The following KCNQ5 variants were observed in gnomAD, a reference collection of about 807,000 sequenced individuals.
KCNQ5 encodes potassium voltage-gated channel subfamily KQT member 5.
A neutral mutation model predicts 98.2 loss-of-function variants in KCNQ5; 30 were observed. That is an observed-to-expected ratio of 0.31 (90% CI 0.23 to 0.41). The LOEUF (loss-of-function observed/expected upper bound fraction) is 0.41, where lower values mean the gene tolerates loss of function less well. Among genes scored for constraint, KCNQ5 ranks in the 10% least tolerant of loss-of-function variants. The pLI is 1.00. For synonymous variants in KCNQ5, 458 were observed against 449.4 expected (o/e 1.02, Z -0.24); for missense variants, 835 against 1,182.5 (o/e 0.71, Z 4.31).
At chr6:72,916,031 T>C (rs1780121543) in intron 1 of KCNQ5, among the ~76,000 whole-genome samples, 1 of 152,200 alleles carries the variant, frequency 6.6e-6, no homozygotes, top group Non-Finnish European at 1.5e-5. Flanking sequence ...TAGGCAGCTT[T>C]GGTTTTTATC....
At chr6:72,718,452 T>C (rs1769766565) in intron 1 of KCNQ5, among the ~76,000 whole-genome samples, 1 of 135,776 alleles carries the variant, frequency 7.4e-6, no homozygotes, top group Non-Finnish European at 1.6e-5. Flanking sequence ...GCTCTTTTTT[T>C]TTTTTTTTTT....
At chr6:72,659,936 C>G (rs1239492575) in intron 1 of KCNQ5, among the ~76,000 whole-genome samples, 2 of 152,200 alleles carry the variant, frequency 1.3e-5, no homozygotes, top group African/African-American at 4.8e-5. Flanking sequence ...TGTTCCACTT[C>G]TAACCACCTT....
intron 9 of KCNQ5, among the ~76,000 whole-genome samples, chr6:73,128,877 G>A (rs188595877): frequency 1.3e-5 from 2 of 152,132 alleles, no homozygotes; most frequent in African/African-American, 4.8e-5. Flanking sequence ...GTGAGCCACC[G>A]AGTGCTTTTT....
At chr6:73,002,944 G>C (rs1769651394) in intron 1 of KCNQ5, among the ~76,000 whole-genome samples, 1 of 152,074 alleles carries the variant, frequency 6.6e-6, no homozygotes, top group Non-Finnish European at 1.5e-5. Flanking sequence ...AGGAGTCAGG[G>C]ACTAACTTCA....
At chr6:72,750,190 A>C (rs999411273) in intron 1 of KCNQ5, among the ~76,000 whole-genome samples, 1 of 152,132 alleles carries the variant, frequency 6.6e-6, no homozygotes, top group African/African-American at 2.4e-5. Context: ...AGGAACTCCC[A>C]AGTGCATTTC....
intron 1 of KCNQ5, among the ~76,000 whole-genome samples, chr6:72,750,930 A>T (rs923742355): frequency 6.6e-6 from 1 of 152,060 alleles, no homozygotes; most frequent in African/African-American, 2.4e-5. Flanking sequence ...TTATGTCATT[A>T]AAAAAGATAC....
At chr6:72,675,840 G>T (rs1767380535) in intron 1 of KCNQ5, among the ~76,000 whole-genome samples, 2 of 152,154 alleles carry the variant, frequency 1.3e-5, no homozygotes, top group African/African-American at 4.8e-5. Flanking sequence ...TGAGATGGGA[G>T]CATTGGCTTA....
At chr6:72,902,029 G>A (rs1259338548) in intron 1 of KCNQ5, among the ~76,000 whole-genome samples, 1 of 152,148 alleles carries the variant, frequency 6.6e-6, no homozygotes, top group Non-Finnish European at 1.5e-5. Flanking sequence ...TCTTTCAGCA[G>A]TATTTTGTAG....
chr6:73,147,125 A>G (rs1423394550), intron 10 of KCNQ5, among the ~76,000 whole-genome samples: 2 of 152,034 alleles, frequency 1.3e-5, no homozygotes, highest in Non-Finnish European at 2.9e-5. Context: ...AAACGACTTA[A>G]CCTCACTGCC....
In KCNQ5 at chr6:73,195,231, T is replaced by C. The variant is rs769879422; in HGVS notation, c.2616T>C (p.Thr872=). 1 of 1,614,194 alleles carries C rather than the reference T, an allele frequency of 6.2e-7. No individual in the cohort carries two copies. Among genetic ancestry groups the C allele is most frequent in the Non-Finnish European group, 8.5e-7 (1 of 1,180,026 alleles). Residue 872 remains threonine, a synonymous_variant, in exon 14 of 14, where the codon ACT becomes ACC. Coordinates refer to ENST00000370398, the MANE Select transcript of KCNQ5 (RefSeq NM_019842.4). ...GGAGGGAATCCAAATTGTTTATAAC[T>C]GATGAAGAGGTGGGTCCCGAAGAGA... ...PKWRESKLFI[T]DEEVGPEETE...
At chr6:72,814,251 G>A (rs1277057389) in intron 1 of KCNQ5, among the ~76,000 whole-genome samples, 1 of 152,208 alleles carries the variant, frequency 6.6e-6, no homozygotes, top group African/African-American at 2.4e-5. Flanking sequence ...GCCATGCTCG[G>A]TGGTGCTCCT....
At position 73,146,489 on chromosome 6, in the gene KCNQ5, G is replaced by T. The variant is rs144160732; in HGVS notation, c.1468+12848G>T. 7.9e-5 allele frequency among the ~76,000 whole-genome samples: 12 copies of T among 152,100 alleles called. No individual in the cohort carries two copies. In the East Asian group the frequency reaches 2.1e-3, roughly 27 times the overall value. ...AAAATGTAAAAATTAGCTGGGCATG[G>T]TGGCACAGGCCTATAGCCCCAGCCA... On this transcript the variant is annotated intron_variant, in intron 10 of 13. Transcript: ENST00000370398.
chr6:72,865,381 A>T (rs1052749646), intron 1 of KCNQ5, among the ~76,000 whole-genome samples: 1 of 152,236 alleles, frequency 6.6e-6, no homozygotes, highest in Non-Finnish European at 1.5e-5. Flanking sequence ...AGTACCTCAT[A>T]GATATAATCT....
intron 7 of KCNQ5, among the ~76,000 whole-genome samples, chr6:73,116,514 A>T (rs953513895): frequency 3.9e-5 from 6 of 152,110 alleles, no homozygotes; most frequent in African/African-American, 1.4e-4. Context: ...AAAAAATTTT[A>T]AAAAGTCAAG....
intron 1 of KCNQ5, among the ~76,000 whole-genome samples, chr6:72,850,904 T>C (rs1777225089): frequency 1.3e-5 from 2 of 151,966 alleles, no homozygotes; most frequent in East Asian, 3.9e-4. Flanking sequence ...TTGGTGATGA[T>C]TCATTATACA....
rs909797429 is a variant in KCNQ5, at chr6:72,996,204, A to G, written c.399-7704A>G. On this transcript the variant is annotated intron_variant, in intron 1 of 13. Transcript: ENST00000370398. ...GAAATTGGGAATGAAGTTAATCCAT[A>G]AAAATGTATACCAGAAGGATCTGGG... 5.3e-5 allele frequency among the ~76,000 whole-genome samples: 8 copies of G among 152,242 alleles called. No individual in the cohort carries two copies. In the East Asian group the frequency reaches 1.5e-3, roughly 29 times the overall value.
intron 1 of KCNQ5, among the ~76,000 whole-genome samples, chr6:72,732,245 G>A (rs1450407301): frequency 6.6e-6 from 1 of 152,120 alleles, no homozygotes; most frequent in African/African-American, 2.4e-5. Flanking sequence ...TCTGACAGAG[G>A]TGAGCTCAGG....
At chr6:73,178,679 A>G (rs1040039579) in intron 11 of KCNQ5, among the ~76,000 whole-genome samples, 4 of 152,082 alleles carry the variant, frequency 2.6e-5, no homozygotes, top group African/African-American at 7.2e-5. Context: ...AATGAGACAG[A>G]TCAGTGCATC....
At chr6:72,751,740 A>G (rs1004531453) in intron 1 of KCNQ5, among the ~76,000 whole-genome samples, 3 of 152,122 alleles carry the variant, frequency 2.0e-5, no homozygotes, top group African/African-American at 4.8e-5. Flanking sequence ...CAATGTATCA[A>G]TTCTATAATT....
Sources: gnomAD v4.1 joint callset for allele counts (sites outside exome capture counted in the v4.1 genomes callset) on GRCh38, gnomAD v4.1.1 for gene constraint, MANE v1.5 for transcripts, NCBI Gene and HGNC (gene_info 2026-07-23, HGNC 2026-07-21) for gene names.